WDR72: variants seen among roughly 807,000 people sequenced by gnomAD.
The protein encoded by WDR72 is WD repeat-containing protein 72.
Under a neutral mutation model 124.2 loss-of-function variants are expected in WDR72, and 120 were observed. That is an observed-to-expected ratio of 0.97 (90% CI 0.83 to 1.12). The LOEUF (loss-of-function observed/expected upper bound fraction) is 1.12. Ranked by LOEUF, WDR72 falls within the 50% of genes most tolerant of loss-of-function variation. WDR72 has a pLI of 0.00. For synonymous variants in WDR72, 452 were observed against 441.7 expected, an observed-to-expected ratio of 1.02 and a Z score of -0.29; for missense variants, 1,387 against 1,278.8, an observed-to-expected ratio of 1.08 and a Z score of -1.29.
intron 18 of WDR72, among the ~76,000 whole-genome samples, chr15:53,543,350 C>T (rs1893254442): frequency 6.6e-6 from 1 of 152,028 alleles, no homozygotes; most frequent in African/African-American, 2.4e-5. Flanking sequence ...TCACTCAAAA[C>T]CGCTCAACTA....
intron 18 of WDR72, among the ~76,000 whole-genome samples, chr15:53,560,739 A>G (rs1894096546): frequency 6.6e-6 from 1 of 151,896 alleles, no homozygotes; most frequent in Admixed American, 6.6e-5. Flanking sequence ...TTAACAGCAA[A>G]TAATACAATG....
At chr15:53,663,540 G>A (rs2015677719) in intron 14 of WDR72, among the ~76,000 whole-genome samples, 2 of 152,212 alleles carry the variant, frequency 1.3e-5, no homozygotes, top group South Asian at 4.1e-4. Flanking sequence ...AGCTCTTCAA[G>A]AGAGTGAAAT....
At chr15:53,620,761 C>T in intron 14 of WDR72, among the ~76,000 whole-genome samples, 1 of 151,972 alleles carries the variant, frequency 6.6e-6, no homozygotes, top group East Asian at 1.9e-4. Context: ...GACCAAGAAC[C>T]CAAAAGCAAA....
At chr15:53,598,715 G>A (rs2012898388) in intron 17 of WDR72, among the ~76,000 whole-genome samples, 1 of 152,150 alleles carries the variant, frequency 6.6e-6, no homozygotes, top group African/African-American at 2.4e-5. Flanking sequence ...GTGAAAAAAG[G>A]CTAAGGAATA....
chr15:53,712,576 C>A (rs1403735265), intron 7 of WDR72, among the ~76,000 whole-genome samples, 196 bp downstream of exon 7: 3 of 149,284 alleles, frequency 2.0e-5, no homozygotes, highest in African/African-American at 7.5e-5. Context: ...GCCTGGGAAA[C>A]AGAGTGAGAC....
intron 2 of WDR72, among the ~76,000 whole-genome samples, chr15:53,726,764 A>C (rs2140591465): frequency 6.6e-6 from 1 of 152,224 alleles, no homozygotes; most frequent in Middle Eastern, 3.4e-3. Flanking sequence ...GAATCGCTTG[A>C]GCTCTAACAG....
chr15:53,536,646 G>T (rs1473901078), intron 18 of WDR72, among the ~76,000 whole-genome samples: 1 of 152,200 alleles, frequency 6.6e-6, no homozygotes, highest in East Asian at 1.9e-4. Context: ...TGACGTTTTA[G>T]AAGTGTGGTG....
chr15:53,621,375 A>G (rs2013982152), intron 14 of WDR72, among the ~76,000 whole-genome samples: 1 of 150,360 alleles, frequency 6.7e-6, no homozygotes, highest in Non-Finnish European at 1.5e-5. Flanking sequence ...CTCAATTGCA[A>G]AAACGTGGAA....
At position 53,628,607 on chromosome 15, in the gene WDR72, G is replaced by A. The variant is rs1298999540; in HGVS notation, c.1963-12364C>T. ...TTAAAACTTATGCCATAAAAAGGTAGAGAATATGGTACTTAGATACAAAAA... is the reference window on the plus strand; with the variant it reads ...TTAAAACTTATGCCATAAAAAGGTAAAGAATATGGTACTTAGATACAAAAA... On this transcript the variant is annotated intron_variant, in intron 14 of 19. Coordinates refer to ENST00000360509, the MANE Select transcript of WDR72 (RefSeq NM_182758.4). Among the ~76,000 whole-genome samples, 7 of 152,242 alleles carry A rather than the reference G, an allele frequency of 4.6e-5. No individual in the cohort carries two copies. In the East Asian group the frequency reaches 5.8e-4, roughly 13 times the overall value.
chr15:53,710,735 A>G, intron 9 of WDR72, 122 bp downstream of exon 9: 1 of 798,514 alleles, frequency 1.3e-6, no homozygotes, highest in Admixed American at 2.0e-5. Context: ...TTTTCTCATT[A>G]ACAACTTGAT....
chr15:53,674,652 T>TA lies in WDR72; in HGVS notation c.1766-8885dup, dbSNP rs528292676. On this transcript the variant is annotated intron_variant, in intron 13 of 19. Transcript: ENST00000360509. ...ATGTAGTTGATATAATAAATTCAGCTAAAAAATGGAGTGTCAAAGACCTGG... is the reference window on the plus strand; with the variant it reads ...ATGTAGTTGATATAATAAATTCAGCTAAAAAAATGGAGTGTCAAAGACCTGG... 1.6e-4 allele frequency among the ~76,000 whole-genome samples: 24 copies of TA among 152,286 alleles called. No individual in the cohort carries two copies. In the South Asian group the frequency reaches 3.9e-3, roughly 25 times the overall value.
intron 1 of WDR72, among the ~76,000 whole-genome samples, chr15:53,738,728 C>T (rs1466337833): frequency 6.6e-6 from 1 of 152,128 alleles, no homozygotes; most frequent in Non-Finnish European, 1.5e-5. Flanking sequence ...CTGCCTCAGC[C>T]TCCTGAGTAC....
intron 14 of WDR72, among the ~76,000 whole-genome samples, chr15:53,628,983 C>T (rs2014315364): frequency 1.3e-5 from 2 of 152,142 alleles, no homozygotes; most frequent in Non-Finnish European, 2.9e-5. Flanking sequence ...ACTTCTGAGG[C>T]TAAATGTCAG....
At chr15:53,601,552 GAC>G (rs1345712406) in intron 17 of WDR72, among the ~76,000 whole-genome samples, 10 of 152,080 alleles carry the variant, frequency 6.6e-5, no homozygotes, top group African/African-American at 2.4e-4. Context: ...GCAATTAAAT[GAC>G]ACAGAGTGGT....
intron 2 of WDR72, among the ~76,000 whole-genome samples, chr15:53,728,629 G>A (rs1172153234): frequency 6.6e-6 from 1 of 152,132 alleles, no homozygotes; most frequent in Non-Finnish European, 1.5e-5. Context: ...CTGAGTATTA[G>A]ACAGGCGGAA....
chr15:53,626,232 C>T (rs1354501358), intron 14 of WDR72, among the ~76,000 whole-genome samples: 1 of 152,158 alleles, frequency 6.6e-6, no homozygotes, highest in African/African-American at 2.4e-5. Flanking sequence ...GAATCTTGGG[C>T]CACGCGATGA....
rs571938174 is a variant in WDR72 at position 53,523,190 on chromosome 15, T to C, written c.3253+28A>G. 17 of 1,601,368 alleles carry C rather than the reference T, an allele frequency of 1.1e-5. No homozygotes were observed. The Admixed American group carries it at 2.8e-4, about 27-fold the overall frequency. On this transcript the variant is annotated intron_variant, in intron 19 of 19. Coordinates refer to ENST00000360509, the MANE Select transcript of WDR72 (RefSeq NM_182758.4). ...AAGCTGTGTCAAATTTATCATTTTA[T>C]ACTTGACTATTTTTAAATGGCTTTC...
At chr15:53,640,396 A>T (rs2014802274) in intron 14 of WDR72, among the ~76,000 whole-genome samples, 1 of 152,146 alleles carries the variant, frequency 6.6e-6, no homozygotes, top group African/African-American at 2.4e-5. Context: ...CTAACTTTGT[A>T]CTAAGTCTCC....
chr15:53,543,493 C>A (rs1231781662), intron 18 of WDR72, among the ~76,000 whole-genome samples: 1 of 151,308 alleles, frequency 6.6e-6, no homozygotes, highest in Non-Finnish European at 1.5e-5. Context: ...GCATTCAAAG[C>A]AGTGTGTAGA....
Sources: gnomAD v4.1 joint callset for allele counts (sites outside exome capture counted in the v4.1 genomes callset) on GRCh38, gnomAD v4.1.1 for gene constraint, MANE v1.5 for transcripts, NCBI Gene and HGNC (gene_info 2026-07-23, HGNC 2026-07-21) for gene names.